DNAH6: variants seen among roughly 807,000 people sequenced by gnomAD.
DNAH6 encodes the protein dynein axonemal heavy chain 6.
DNAH6 carries 340 observed loss-of-function variants against 491.4 expected under a neutral mutation model. That is an observed-to-expected ratio of 0.69 (90% confidence interval 0.63 to 0.76). The LOEUF is 0.76. Ranked by LOEUF, DNAH6 falls within the 30% of genes least tolerant of loss-of-function variation. The pLI, the probability that DNAH6 is intolerant of heterozygous loss-of-function variation, is 0.00. For missense variants in DNAH6, 4,443 were observed against 4,972.2 expected (o/e 0.89, Z 3.20); for synonymous variants, 1,603 against 1,686.1 (o/e 0.95, Z 1.21).
chr2:84,638,428 C>CACCAAGACCAAAATATA (rs1689072123), intron 31 of DNAH6, among the ~76,000 whole-genome samples: 1 of 151,984 alleles, frequency 6.6e-6, no homozygotes, highest in African/African-American at 2.4e-5. Context: ...TCTGTGTGAC[C>CACCAAGACCAAAATATA]ACCAAGACCA....
At chr2:84,655,469 C>G (rs1002224568) in intron 35 of DNAH6, among the ~76,000 whole-genome samples, 1 of 152,072 alleles carries the variant, frequency 6.6e-6, no homozygotes, top group Non-Finnish European at 1.5e-5. Context: ...TCCCCTACTC[C>G]AAGTAAGCCA....
chr2:84,649,523 A>T (rs568935934), intron 33 of DNAH6, among the ~76,000 whole-genome samples: 1 of 152,218 alleles, frequency 6.6e-6, no homozygotes, highest in East Asian at 1.9e-4. Flanking sequence ...ATTTCCCTTC[A>T]TTCCAGAGGG....
rs561323487 is a variant in DNAH6 at position 84,610,929 on chromosome 2, C to G, written c.3295-745C>G. Among the ~76,000 whole-genome samples the G allele has an allele frequency of 4.6e-5, 7 of 152,218 alleles. No homozygotes were observed. In the South Asian group the frequency reaches 8.3e-4, roughly 18 times the overall value. On this transcript the variant is annotated intron_variant, in intron 21 of 76. Coordinates refer to ENST00000389394, the MANE Select transcript of DNAH6 (RefSeq NM_001370.2). ...GCCTGAGCTGATTAGTGAGGAACCC[C>G]CAGAGAATGAATTGCTTGGAAAGTG...
intron 26 of DNAH6, among the ~76,000 whole-genome samples, chr2:84,621,993 A>T (rs1262262648): frequency 6.6e-6 from 1 of 152,214 alleles, no homozygotes; most frequent in Non-Finnish European, 1.5e-5. Flanking sequence ...AAATAATTCA[A>T]TGAATTTAAA....
chr2:84,492,235 T>G, the DNAH6 span, among the ~76,000 whole-genome samples: 1 of 152,294 alleles, frequency 6.6e-6, no homozygotes, highest in East Asian at 1.9e-4. Flanking sequence ...TGACACTGTT[T>G]TTAGTAGGCT....
rs1450542966 is a variant in DNAH6, at chr2:84,699,524, T to G, written c.7678-70T>G. ...TTGATATTGGGAGCCTCAGATGCAT[T>G]AGCCAACACTTATTTTCATTGTTGC... On this transcript the variant is annotated intron_variant, in intron 47 of 76. Transcript: ENST00000389394. 3 of 1,384,740 alleles carry G rather than the reference T, an allele frequency of 2.2e-6. No individual in the cohort carries two copies. The East Asian group carries it at 7.6e-5, about 35-fold the overall frequency. 85.8% of individuals were successfully genotyped at this position (1,384,740 alleles called of 1,614,324 possible).
At position 84,699,683 on chromosome 2, in the gene DNAH6, C is replaced by G. The variant is rs1193103272; in HGVS notation, c.7767C>G (p.Cys2589Trp). 4.5e-6 allele frequency: 7 copies of G among 1,551,728 alleles called. No individual in the cohort carries two copies. The highest frequency in any genetic ancestry group is 1.7e-4 in the Middle Eastern group (1 of 5,990). ...SPVGEAFRSR[C>W]RMFPSLVNCC... is the part of the protein sequence containing the mutation. Reference sequence around the variant, plus strand: ...TTGGGGAGGCCTTTCGGTCCCGATGCAGGATGTTTCCATCCCTTGTGAATT... The same window carrying G: ...TTGGGGAGGCCTTTCGGTCCCGATGGAGGATGTTTCCATCCCTTGTGAATT... Residue 2589 changes from cysteine (C) to tryptophan (W), a missense_variant, in exon 48 of 77, where the codon TGC becomes TGG. By Grantham distance (215) the Cys-to-Trp change is radical. This residue lies in a region of DNAH6 where 2,977 missense variants were observed against 3,296.6 expected (regional missense o/e 0.90). Transcript: ENST00000389394.
At chr2:84,605,061 G>T (rs1253796044) in intron 19 of DNAH6, among the ~76,000 whole-genome samples, 1 of 152,072 alleles carries the variant, frequency 6.6e-6, no homozygotes, top group Non-Finnish European at 1.5e-5. Context: ...GAATTTTAAA[G>T]GGCAGGCCAG....
intron 12 of DNAH6, among the ~76,000 whole-genome samples, chr2:84,576,667 T>C (rs1485869791): frequency 2.0e-5 from 3 of 152,116 alleles, no homozygotes; most frequent in Non-Finnish European, 2.9e-5. Context: ...GATAATGAGG[T>C]TTCCATTGGT....
At chr2:84,582,618 AT>A (rs1683147198) in intron 14 of DNAH6, among the ~76,000 whole-genome samples, 1 of 151,882 alleles carries the variant, frequency 6.6e-6, no homozygotes, top group African/African-American at 2.4e-5. Context: ...CGCCCAGCTA[AT>A]TTTTTTCTAT....
At chr2:84,611,426 T>C (rs1243662470) in intron 21 of DNAH6, among the ~76,000 whole-genome samples, 1 of 152,098 alleles carries the variant, frequency 6.6e-6, no homozygotes, top group African/African-American at 2.4e-5. Context: ...TAATCATGTT[T>C]CTCTGGATCC....
chr2:84,519,058 G>T (rs1020530980), intron 2 of DNAH6, among the ~76,000 whole-genome samples: 2 of 151,940 alleles, frequency 1.3e-5, no homozygotes, highest in South Asian at 2.1e-4. Flanking sequence ...AAAAAGAAAA[G>T]AAAAGAGCAC....
At chr2:84,617,097 C>A (rs1046860418) in intron 23 of DNAH6, 115 bp downstream of exon 23, 2 of 588,100 alleles carry the variant, frequency 3.4e-6, no homozygotes, top group South Asian at 2.6e-5. Context: ...CAAAAAAGAT[C>A]TACGATAATG....
chr2:84,790,777 G>A (rs533596221), intron 68 of DNAH6, among the ~76,000 whole-genome samples: 20 of 152,252 alleles, frequency 1.3e-4, no homozygotes, highest in African/African-American at 4.8e-4. Context: ...ATACCTGCTG[G>A]TGGCAATGTA....
At chr2:84,795,095 A>G (rs1339025880) in intron 68 of DNAH6, among the ~76,000 whole-genome samples, 2 of 143,134 alleles carry the variant, frequency 1.4e-5, no homozygotes, top group South Asian at 2.3e-4. Flanking sequence ...ACCAAACACC[A>G]CATGTTCTCA....
At chr2:84,621,127 C>T (rs1687354591) in intron 24 of DNAH6, 64 bp from the exon 25 acceptor site, 2 of 1,486,194 alleles carry the variant, frequency 1.3e-6, no homozygotes, top group Admixed American at 2.0e-5. Flanking sequence ...AATGGAAATA[C>T]AGAAGGCATA....
chr2:84,611,558 A>G (rs1365902158), intron 21 of DNAH6, 116 bp from the exon 22 acceptor site: 14 of 897,860 alleles, frequency 1.6e-5, no homozygotes, highest in Non-Finnish European at 2.0e-5. Context: ...GTGAGGAGTC[A>G]TAACACCACC....
At chr2:84,537,444 A>C (rs952701813) in intron 4 of DNAH6, among the ~76,000 whole-genome samples, 18 of 152,114 alleles carry the variant, frequency 1.2e-4, no homozygotes, top group African/African-American at 4.3e-4. Context: ...CTCAATGTGG[A>C]TCTCATCTTT....
intron 21 of DNAH6, among the ~76,000 whole-genome samples, chr2:84,607,820 G>A (rs891834140): frequency 4.9e-4 from 74 of 152,032 alleles, no homozygotes; most frequent in Non-Finnish European, 1.3e-4. Flanking sequence ...GGGTGCTGTG[G>A]CAATTTCCTA....
Sources: gnomAD v4.1 joint callset for allele counts (sites outside exome capture counted in the v4.1 genomes callset) on GRCh38, gnomAD v4.1.1 for gene constraint, gnomAD v4.1.1 regional missense constraint, MANE v1.5 for transcripts, NCBI Gene and HGNC (gene_info 2026-07-23, HGNC 2026-07-21) for gene names.